MSH3: variants seen among roughly 807,000 people sequenced by gnomAD.
MSH3 encodes DNA mismatch repair protein Msh3.
MSH3 carries 106 observed loss-of-function variants against 123.3 expected under a neutral mutation model. The observed-to-expected ratio is 0.86, with a 90% CI of 0.73 to 1.01. The LOEUF is 1.01. Among genes scored for constraint, MSH3 ranks in the 50% least tolerant of loss-of-function variants. The pLI is 0.00. For synonymous variants in MSH3, 515 were observed against 481.4 expected (o/e 1.07, Z -0.91); for missense variants, 1,459 against 1,347.6 (o/e 1.08, Z -1.29).
chr5:80,876,641 A>G lies in MSH3; in HGVS notation c.*779A>G, dbSNP rs1229913680. Among the ~76,000 whole-genome samples, 2 of 150,304 alleles carry G rather than the reference A, an allele frequency of 1.3e-5. No homozygotes were observed. The highest frequency in any genetic ancestry group is 2.1e-4 in the South Asian group (1 of 4,734). On this transcript the variant is annotated 3_prime_UTR_variant, in exon 24 of 24. Transcript: ENST00000265081. The stretch of plus-strand genomic sequence containing the variant: ...AAGACTCCATCTCAAAAAAAAAAAA[A>G]GAAAAAAGAAAAGAAATAGAATTAT...
rs752960402 is a variant in MSH3, at chr5:80,864,803, A to T, written c.3001-10A>T. The T allele has an allele frequency of 6.2e-7, 1 of 1,606,446 alleles. No homozygotes were observed. The highest frequency in any genetic ancestry group is 1.3e-5 in the African/African-American group (1 of 74,916). On this transcript the variant is annotated splice_polypyrimidine_tract_variant and intron_variant, in intron 21 of 23. Transcript: ENST00000265081. ...AATGAAATAACATTTATTCTGTCTT[A>T]TTGCTTTAGGTGAAATCCTTAACCC...
chr5:80,788,501 G>T (rs1420199113), intron 18 of MSH3, among the ~76,000 whole-genome samples: 3 of 151,572 alleles, frequency 2.0e-5, no homozygotes, highest in African/African-American at 7.3e-5. Context: ...TCCAAAGCTT[G>T]ATTTTATATA....
At chr5:80,685,512 T>C (rs907961412) in intron 8 of MSH3, among the ~76,000 whole-genome samples, 4 of 152,184 alleles carry the variant, frequency 2.6e-5, no homozygotes, top group South Asian at 2.1e-4. Flanking sequence ...TCAGTAGTAA[T>C]GTCTTCTTTC....
chr5:80,838,316 C>T (rs1202119156), intron 20 of MSH3, among the ~76,000 whole-genome samples: 2 of 151,872 alleles, frequency 1.3e-5, no homozygotes, highest in Non-Finnish European at 2.9e-5. Flanking sequence ...TAGACTCTGG[C>T]GTCAGACCGA....
chr5:80,662,516 G>A (rs1409139551), intron 2 of MSH3, among the ~76,000 whole-genome samples: 1 of 152,056 alleles, frequency 6.6e-6, no homozygotes, highest in Non-Finnish European at 1.5e-5. Flanking sequence ...ATAAAATATA[G>A]GGACAAATCT....
At chr5:80,810,194 T>TATATATATATATATATATATATAA (rs1554074256) in intron 19 of MSH3, among the ~76,000 whole-genome samples, 1 of 146,854 alleles carries the variant, frequency 6.8e-6, no homozygotes, top group African/African-American at 2.5e-5. Flanking sequence ...TATATATATA[T>TATATATATATATATATATATATAA]AAACTAGTAG....
intron 2 of MSH3, among the ~76,000 whole-genome samples, chr5:80,662,997 G>T (rs1353219694): frequency 2.0e-5 from 3 of 151,984 alleles, no homozygotes; most frequent in African/African-American, 7.3e-5. Flanking sequence ...CGCTTTGAGA[G>T]GCCAAAGCAG....
chr5:80,834,295 A>G (rs564508193), intron 20 of MSH3, among the ~76,000 whole-genome samples: 2 of 152,100 alleles, frequency 1.3e-5, no homozygotes, highest in Admixed American at 1.3e-4. Context: ...AGCAAACATC[A>G]TTCATTGTAT....
intron 8 of MSH3, among the ~76,000 whole-genome samples, chr5:80,685,970 T>C (rs1750078470): frequency 6.6e-6 from 1 of 152,210 alleles, no homozygotes; most frequent in Non-Finnish European, 1.5e-5. Flanking sequence ...AAAATTATTC[T>C]TGTTTTCGAT....
rs757491337 is a variant in MSH3 at position 80,654,952 on chromosome 5, G to T, written c.225G>T (p.Leu75=). 5.9e-5 allele frequency: 87 copies of T among 1,471,768 alleles called. No individual in the cohort carries two copies. In the African/African-American group the frequency reaches 1.4e-3, roughly 23 times the overall value. The allele number at this position is 1,471,768 out of a possible 1,614,324, so 91.2% of individuals were successfully genotyped here. A position where few individuals can be genotyped will look rare whatever the true frequency, so the allele number is the denominator to read the frequency against. The change falls in exon 1 of 24, where the codon CTG becomes CTT. Residue 75 remains leucine, a synonymous_variant. Coordinates refer to ENST00000265081, the MANE Select transcript of MSH3 (RefSeq NM_002439.5). ...APPAPAFPPQ[L]PPHIATEIDR... Reference sequence around the variant, plus strand: ...CAGCTCCCGCCTTCCCGCCCCAGCTGCCGCCGCACATAGTAGGTTCTGTCT... The same window carrying T: ...CAGCTCCCGCCTTCCCGCCCCAGCTTCCGCCGCACATAGTAGGTTCTGTCT...
chr5:80,715,699 G>A (rs1225337783), intron 8 of MSH3, among the ~76,000 whole-genome samples: 11 of 152,154 alleles, frequency 7.2e-5, no homozygotes, highest in Admixed American at 5.9e-4. Flanking sequence ...GGCAGAAGGT[G>A]AAGGGGAAGC....
chr5:80,776,941 CT>C (rs1163616283), intron 16 of MSH3, among the ~76,000 whole-genome samples: 1 of 119,018 alleles, frequency 8.4e-6, no homozygotes, highest in Non-Finnish European at 1.7e-5. Context: ...TTTTTTTTTT[CT>C]TTTTTTTAAG....
Position 80,708,703 on chromosome 5 carries a change from T to A in MSH3, c.1341-16750T>A, listed in dbSNP as rs558847725. On this transcript the variant is annotated intron_variant, in intron 8 of 23. Coordinates refer to ENST00000265081, the MANE Select transcript of MSH3 (RefSeq NM_002439.5). ...TTTGACTTTGAAAAATGACCTAGATTTTTATGTTCTTATATTAGATATTTT... is the reference window on the plus strand; with the variant it reads ...TTTGACTTTGAAAAATGACCTAGATATTTATGTTCTTATATTAGATATTTT... 7.9e-5 allele frequency among the ~76,000 whole-genome samples: 12 copies of A among 152,200 alleles called. No homozygotes were observed. In the East Asian group the frequency reaches 2.3e-3, roughly 29 times the overall value.
chr5:80,692,579 G>T (rs1326846612), intron 8 of MSH3, among the ~76,000 whole-genome samples: 6 of 86,950 alleles, frequency 6.9e-5, no homozygotes, highest in South Asian at 3.1e-4. Context: ...TGTTTATATA[G>T]AGAGATAAAC....
intron 8 of MSH3, among the ~76,000 whole-genome samples, chr5:80,723,937 A>G (rs1751141219): frequency 6.6e-6 from 1 of 151,694 alleles, no homozygotes; most frequent in Admixed American, 6.6e-5. Flanking sequence ...TAATTTTTGT[A>G]TTTTTTGTAG....
intron 19 of MSH3, among the ~76,000 whole-genome samples, chr5:80,798,021 G>T (rs1227295611): frequency 6.6e-6 from 1 of 152,088 alleles, no homozygotes; most frequent in Non-Finnish European, 1.5e-5. Flanking sequence ...CATTTGTAGG[G>T]TTTTTGTTTT....
chr5:80,859,127 A>G (rs1315243655), intron 21 of MSH3, among the ~76,000 whole-genome samples: 1 of 151,714 alleles, frequency 6.6e-6, no homozygotes, highest in Non-Finnish European at 1.5e-5. Context: ...CTCCATATAT[A>G]TATATATATT....
chr5:80,787,768 C>T, intron 18 of MSH3, 96 bp downstream of exon 18: 1 of 857,432 alleles, frequency 1.2e-6, no homozygotes, highest in South Asian at 1.4e-5. Flanking sequence ...ATTACAGTTA[C>T]TCAAATGTGT....
At chr5:80,699,632 G>A (rs1750564504) in intron 8 of MSH3, among the ~76,000 whole-genome samples, 1 of 149,096 alleles carries the variant, frequency 6.7e-6, no homozygotes, top group Non-Finnish European at 1.5e-5. Context: ...GGTAATCAAT[G>A]TCTATTTACA....
Sources: gnomAD v4.1 joint callset for allele counts (sites outside exome capture counted in the v4.1 genomes callset) on GRCh38, gnomAD v4.1.1 for gene constraint, MANE v1.5 for transcripts, NCBI Gene and HGNC (gene_info 2026-07-23, HGNC 2026-07-21) for gene names.